ASRGL1: variants seen among roughly 807,000 people sequenced by gnomAD.
ASRGL1 encodes the protein asparaginase and isoaspartyl peptidase 1.
In ASRGL1, 16 loss-of-function variants were observed where a neutral mutation model predicts 22.4. The observed-to-expected ratio is 0.71, with a 90% CI of 0.48 to 1.08. The LOEUF is 1.08. Among genes scored for constraint, ASRGL1 ranks in the 50% least tolerant of loss-of-function variants. ASRGL1 has a pLI of 0.00. For missense variants in ASRGL1, 412 were observed against 410.1 expected (o/e 1.00, Z -0.04); for synonymous variants, 165 against 159.3 (o/e 1.04, Z -0.27).
chr11:62,337,993 G>C lies in ASRGL1; in HGVS notation c.16G>C (p.Val6Leu), dbSNP rs183580478. ...ATCCGCCGACATGAATCCCATCGTA[G>C]TGGTCCACGGCGGCGGAGCCGGTCC... MNPIVVVHGGGAGPIS... is the reference protein window; with the variant it reads MNPIVLVHGGGAGPIS... The change falls in exon 2 of 7, where the codon GTG becomes CTG. Residue 6 changes from valine to leucine, a missense_variant. Physicochemically the swap from Val to Leu is conservative, Grantham distance 32. Transcript: ENST00000415229. 1 of 1,601,268 alleles carries C rather than the reference G, an allele frequency of 6.2e-7. No individual in the cohort carries two copies. Among genetic ancestry groups the C allele is most frequent in the Admixed American group, 1.7e-5 (1 of 58,022 alleles).
At chr11:62,366,907 G>A (rs991847529) in intron 4 of ASRGL1, among the ~76,000 whole-genome samples, 9 of 152,082 alleles carry the variant, frequency 5.9e-5, no homozygotes, top group Non-Finnish European at 1.0e-4. Context: ...TATTTTTGCC[G>A]TATAAAAGAT....
At chr11:62,366,820 G>C (rs1413417324) in intron 4 of ASRGL1, among the ~76,000 whole-genome samples, 3 of 152,182 alleles carry the variant, frequency 2.0e-5, no homozygotes, top group Non-Finnish European at 2.9e-5. Context: ...TCTTTCTTAT[G>C]AGCCTTAAGG....
chr11:62,349,763 G>A (rs1946126698), intron 2 of ASRGL1, among the ~76,000 whole-genome samples: 1 of 152,174 alleles, frequency 6.6e-6, no homozygotes, highest in Admixed American at 6.5e-5. Context: ...AATAAAGCAT[G>A]GCTACTCCAT....
At chr11:62,370,606 A>G (rs1159700575) in intron 4 of ASRGL1, among the ~76,000 whole-genome samples, 1 of 152,086 alleles carries the variant, frequency 6.6e-6, no homozygotes, top group Non-Finnish European at 1.5e-5. Flanking sequence ...CTGTTTGTCT[A>G]AACTTTCTGT....
Position 62,338,078 on chromosome 11 carries a change from G to A in ASRGL1, c.101G>A (p.Gly34Asp). The A allele has an allele frequency of 6.2e-7, 1 of 1,607,946 alleles. No homozygotes were observed. The highest frequency in any genetic ancestry group is 8.5e-7 in the Non-Finnish European group (1 of 1,177,654). ...HQGMVRAATV[G>D]YGILREGGSA... ...GGCATGGTCAGAGCCGCCACCGTGGGCTACGGCATCCTCCGGGAGGGCGGG... is the reference window on the plus strand; with the variant it reads ...GGCATGGTCAGAGCCGCCACCGTGGACTACGGCATCCTCCGGGAGGGCGGG... The change falls in exon 2 of 7, where the codon GGC becomes GAC. Residue 34 changes from glycine to aspartate, a missense_variant. Physicochemically the swap from Gly to Asp is moderately conservative, Grantham distance 94 (BLOSUM62 -1). Coordinates refer to ENST00000415229, the MANE Select transcript of ASRGL1 (RefSeq NM_001083926.2).
chr11:62,371,860 A>G, intron 4 of ASRGL1: 1 of 529,432 alleles, frequency 1.9e-6, no homozygotes, highest in Non-Finnish European at 3.4e-6. Context: ...AGGCTGAGGC[A>G]GGAGAATGGC....
In ASRGL1 at chr11:62,364,459, GAACTAC is replaced by G. The variant is rs542925705; in HGVS notation, c.491+7316_491+7321del. 5.1e-3 allele frequency among the ~76,000 whole-genome samples: 779 copies of G among 152,146 alleles called. 2 individuals carry two copies. The highest frequency in any genetic ancestry group is 0.015 in the African/African-American group (618 of 41,524). On this transcript the variant is annotated intron_variant, in intron 4 of 6. Transcript: ENST00000415229. ...GAGGTTCCTAAAGAAATTAAAAATA[GAACTAC>G]CTTATAACCCAGCAATCCCACTTCT...
intron 2 of ASRGL1, among the ~76,000 whole-genome samples, chr11:62,339,789 C>T (rs915881557): frequency 6.6e-6 from 1 of 152,164 alleles, no homozygotes; most frequent in Non-Finnish European, 1.5e-5. Flanking sequence ...GGAAGACATT[C>T]ATCTCTTTGT....
rs115409110 is a variant in ASRGL1, at chr11:62,338,074, G to C, written c.97G>C (p.Val33Leu). 6.2e-7 allele frequency: 1 copy of C among 1,607,586 alleles called. No homozygotes were observed. Among genetic ancestry groups the C allele is most frequent in the East Asian group, 2.2e-5 (1 of 44,596 alleles). Residue 33 changes from valine (V) to leucine (L), a missense_variant, in exon 2 of 7, where the codon GTG becomes CTG. Coordinates refer to ENST00000415229, the MANE Select transcript of ASRGL1 (RefSeq NM_001083926.2). Reference sequence around the variant, plus strand: ...CCAGGGCATGGTCAGAGCCGCCACCGTGGGCTACGGCATCCTCCGGGAGGG... The same window carrying C: ...CCAGGGCATGGTCAGAGCCGCCACCCTGGGCTACGGCATCCTCCGGGAGGG... Reference protein sequence around the residue: ...VHQGMVRAATVGYGILREGGS... With the variant: ...VHQGMVRAATLGYGILREGGS...
At chr11:62,340,647 A>G (rs988252677) in intron 2 of ASRGL1, among the ~76,000 whole-genome samples, 4 of 152,152 alleles carry the variant, frequency 2.6e-5, no homozygotes, top group Admixed American at 2.0e-4. Flanking sequence ...TCATCTTTCA[A>G]ATGTCCTCTA....
intron 4 of ASRGL1, among the ~76,000 whole-genome samples, chr11:62,367,554 G>C (rs1174197852): frequency 2.0e-5 from 3 of 152,004 alleles, no homozygotes. Flanking sequence ...TGAGGCAGGA[G>C]AATCACTTGC....
At chr11:62,342,555 A>G (rs1185310343) in intron 2 of ASRGL1, among the ~76,000 whole-genome samples, 2 of 152,154 alleles carry the variant, frequency 1.3e-5, no homozygotes, top group Non-Finnish European at 1.5e-5. Flanking sequence ...CTAGGAGTTC[A>G]AGAGCAGCCT....
At chr11:62,398,280 C>T (rs1315633971), downstream of ASRGL1, among the ~76,000 whole-genome samples, 2 of 151,918 alleles carry the variant, frequency 1.3e-5, no homozygotes, top group African/African-American at 4.8e-5. Flanking sequence ...AAGGACCTGC[C>T]CCCACCCTTC....
At chr11:62,375,596 G>A (rs1946906319) in intron 4 of ASRGL1, among the ~76,000 whole-genome samples, 2 of 151,164 alleles carry the variant, frequency 1.3e-5, no homozygotes, top group Non-Finnish European at 2.9e-5. Flanking sequence ...GATACCCAGT[G>A]GAAATATTTG....
intron 4 of ASRGL1, among the ~76,000 whole-genome samples, chr11:62,375,428 TTATATATATA>T (rs71053051): frequency 0.042 from 2,897 of 68,620 alleles, 99 homozygotes; most frequent in Middle Eastern, 0.061. Flanking sequence ...TTGTCTTACT[TTATATATATA>T]TATATATATA....
At chr11:62,362,638 T>A (rs1177751782) in intron 4 of ASRGL1, among the ~76,000 whole-genome samples, 2 of 22,706 alleles carry the variant, frequency 8.8e-5, no homozygotes, top group African/African-American at 1.5e-4. Context: ...AAAATATATA[T>A]AATATATAAT....
chr11:62,373,166 A>C, intron 4 of ASRGL1: 1 of 1,258,470 alleles, frequency 7.9e-7, no homozygotes, highest in South Asian at 1.2e-5. Context: ...ACAGCCCCCA[A>C]ACCCTCTGAT....
intron 2 of ASRGL1, among the ~76,000 whole-genome samples, chr11:62,349,707 G>A (rs1046763161): frequency 1.8e-4 from 27 of 152,212 alleles, no homozygotes; most frequent in African/African-American, 3.6e-4. Flanking sequence ...ACTTCAGGAC[G>A]AGTCCGTAGA....
chr11:62,383,589 C>T (rs1340003700), intron 4 of ASRGL1, among the ~76,000 whole-genome samples: 42 of 82,076 alleles, frequency 5.1e-4, no homozygotes, highest in Non-Finnish European at 9.2e-4. Flanking sequence ...GGCGACAGAG[C>T]GAGACTCCTA....
Sources: gnomAD v4.1 joint callset for allele counts (sites outside exome capture counted in the v4.1 genomes callset) on GRCh38, gnomAD v4.1.1 for gene constraint, MANE v1.5 for transcripts, NCBI Gene and HGNC (gene_info 2026-07-23, HGNC 2026-07-21) for gene names.